DPP4: variants seen among roughly 807,000 people sequenced by gnomAD.
DPP4 encodes the protein ADCP-2.
Under a neutral mutation model 122.4 loss-of-function variants are expected in DPP4, and 93 were observed. The ratio of observed to expected loss-of-function variants is 0.76; its 90% CI spans 0.64 to 0.90. DPP4 has a LOEUF of 0.90. Among genes scored for constraint, DPP4 ranks in the 40% least tolerant of loss-of-function variants. The pLI is 0.00. For missense variants in DPP4, 914 were observed against 907.3 expected (o/e 1.01, Z -0.09); for synonymous variants, 321 against 302.9 (o/e 1.06, Z -0.62).
chr2:162,008,715 T>C, intron 21 of DPP4, 54 bp from the exon 22 acceptor site: 1 of 1,486,676 alleles, frequency 6.7e-7, no homozygotes, highest in Non-Finnish European at 9.4e-7. Flanking sequence ...GGACATATGG[T>C]AAGCGAGTCG....
At position 162,026,290 on chromosome 2, in the gene DPP4, C is replaced by T. The variant is rs534373229; in HGVS notation, c.888-1351G>A. On this transcript the variant is annotated intron_variant, in intron 10 of 25. Coordinates refer to ENST00000360534, the MANE Select transcript of DPP4 (RefSeq NM_001935.4). The stretch of plus-strand genomic sequence containing the variant: ...TAATGTGCGAATGTGCCTGGTGATA[C>T]CGGGCTTCCATGCTACCCTGCTGTA... 4.6e-5 allele frequency among the ~76,000 whole-genome samples: 7 copies of T among 152,292 alleles called. No individual in the cohort carries two copies. In the South Asian group the frequency reaches 1.4e-3, roughly 32 times the overall value.
intron 22 of DPP4, among the ~76,000 whole-genome samples, 170 bp from the exon 23 acceptor site, chr2:162,005,979 G>T (rs1056671067): frequency 3.7e-4 from 57 of 152,182 alleles, no homozygotes; most frequent in African/African-American, 1.2e-3. Flanking sequence ...GGTGGCTAAA[G>T]CACCTTATGG....
intron 10 of DPP4, among the ~76,000 whole-genome samples, chr2:162,030,394 C>T (rs1683501764): frequency 6.6e-6 from 1 of 152,184 alleles, no homozygotes; most frequent in Non-Finnish European, 1.5e-5. Context: ...AGTCACAAAC[C>T]AGCCTCATCC....
chr2:162,015,440 A>C (rs1682873524), intron 18 of DPP4, among the ~76,000 whole-genome samples: 1 of 151,872 alleles, frequency 6.6e-6, no homozygotes. Flanking sequence ...TTTCAATAGA[A>C]CACCAAACTA....
chr2:162,006,881 TTTTA>T (rs1701296039), intron 22 of DPP4, among the ~76,000 whole-genome samples: 4 of 152,112 alleles, frequency 2.6e-5, no homozygotes, highest in African/African-American at 9.7e-5. Context: ...TTCACTAAAA[TTTTA>T]CAAGTATTTC....
chr2:162,067,385 C>T (rs903925712), intron 2 of DPP4, among the ~76,000 whole-genome samples: 3 of 152,068 alleles, frequency 2.0e-5, no homozygotes, highest in African/African-American at 7.2e-5. Context: ...TGATACTCAC[C>T]TCTCCTACTC....
At chr2:162,035,679 TCAAA>T (rs1268094109) in intron 8 of DPP4, among the ~76,000 whole-genome samples, 2 of 152,136 alleles carry the variant, frequency 1.3e-5, no homozygotes, top group Non-Finnish European at 2.9e-5. Flanking sequence ...TTTCTAATTT[TCAAA>T]CAGTCAACAT....
At chr2:162,011,423 G>C (rs563639482) in intron 20 of DPP4, among the ~76,000 whole-genome samples, 4 of 152,208 alleles carry the variant, frequency 2.6e-5, no homozygotes, top group African/African-American at 9.6e-5. Context: ...ATCCTTGACT[G>C]TGAAGGAATG....
intron 12 of DPP4, 21 bp downstream of exon 12, chr2:162,022,734 C>G (rs201373664): frequency 4.3e-6 from 7 of 1,613,310 alleles, no homozygotes; most frequent in Admixed American, 1.7e-5. Flanking sequence ...TCCATAAAAC[C>G]CCACAACTTA....
chr2:162,024,969 G>C, intron 10 of DPP4, 30 bp from the exon 11 acceptor site: 2 of 1,607,724 alleles, frequency 1.2e-6, no homozygotes, highest in Non-Finnish European at 1.7e-6. Context: ...GAAGGACAGA[G>C]AGAGAGAATG....
At chr2:162,065,718 C>T (rs1480905418) in intron 2 of DPP4, among the ~76,000 whole-genome samples, 1 of 152,072 alleles carries the variant, frequency 6.6e-6, no homozygotes, top group African/African-American at 2.4e-5. Context: ...ATTATTAATG[C>T]TTTATGCTTG....
chr2:162,017,421 C>T (rs977930024), intron 16 of DPP4: 17 of 438,214 alleles, frequency 3.9e-5, no homozygotes, highest in South Asian at 2.5e-4. Context: ...CTGCTGGGCA[C>T]CTTGGGCACA....
At position 162,018,759 on chromosome 2, in the gene DPP4, C is replaced by G; in HGVS notation, c.1390G>C (p.Glu464Gln). ...CATCTCAGCTGATAATACTTCGCCT[C>G]TTTACTGAATGACACAGAATAGTAC... ...CQYYSVSFSK[E>Q]AKYYQLRCSG... is the part of the protein sequence containing the mutation. The change falls in exon 16 of 26, where the codon GAG (glutamate) becomes CAG (glutamine). Residue 464 changes from glutamate (E) to glutamine (Q), a missense_variant. Physicochemically the swap from Glu to Gln is conservative, Grantham distance 29. Transcript: ENST00000360534. 5 of 1,614,146 alleles carry G rather than the reference C, an allele frequency of 3.1e-6. No individual in the cohort carries two copies. Among genetic ancestry groups the G allele is most frequent in the Non-Finnish European group, 4.2e-6 (5 of 1,180,030 alleles).
At chr2:162,058,238 T>C (rs1684645371) in intron 2 of DPP4, among the ~76,000 whole-genome samples, 1 of 152,356 alleles carries the variant, frequency 6.6e-6, no homozygotes. Context: ...GTATGTGGCC[T>C]GAGTCACATA....
At chr2:162,003,284 C>T (rs990728551) in intron 23 of DPP4, among the ~76,000 whole-genome samples, 5 of 151,994 alleles carry the variant, frequency 3.3e-5, no homozygotes, top group African/African-American at 1.2e-4. Context: ...GAAATGGCCA[C>T]CGCAGTCAGG....
At chr2:162,062,317 T>C (rs1314935941) in intron 2 of DPP4, among the ~76,000 whole-genome samples, 1 of 152,104 alleles carries the variant, frequency 6.6e-6, no homozygotes, top group East Asian at 1.9e-4. Flanking sequence ...AAAACAATTT[T>C]ATCACTATAT....
Position 161,996,923 on chromosome 2 carries a change from C to T in DPP4, c.2053-1551G>A, listed in dbSNP as rs138675795. On this transcript the variant is annotated intron_variant, in intron 23 of 25. Transcript: ENST00000360534. The stretch of plus-strand genomic sequence containing the variant: ...AAACAAGGGTGGGCTACTGTAACTC[C>T]TCTTACTCCATCACAATAATAGGAA... Among the ~76,000 whole-genome samples, 1,299 of 152,278 alleles carry T rather than the reference C, an allele frequency of 8.5e-3. 5 individuals are homozygous for T. Among genetic ancestry groups the T allele is most frequent in the Non-Finnish European group, 0.014 (919 of 68,020 alleles).
intron 2 of DPP4, among the ~76,000 whole-genome samples, chr2:162,050,201 A>C (rs555331569): frequency 6.6e-6 from 1 of 152,356 alleles, no homozygotes; most frequent in East Asian, 1.9e-4. Context: ...TTAAAAAGTG[A>C]GTACTATTTG....
chr2:162,047,360 T>C (rs1473348313), intron 3 of DPP4, 43 bp downstream of exon 3: 16 of 1,154,136 alleles, frequency 1.4e-5, no homozygotes, highest in East Asian at 2.4e-5. Context: ...TTAACTAGAA[T>C]GAATGTAAGC....
Sources: allele counts gnomAD v4.1 joint callset (sites outside exome capture counted in the v4.1 genomes callset), GRCh38; gene constraint gnomAD v4.1.1; transcripts MANE v1.5; gene names NCBI Gene and HGNC (gene_info 2026-07-23, HGNC 2026-07-21).